Variants in EFHB observed in about 807,000 individuals in gnomAD.
EFHB encodes EF-hand domain-containing family member B.
A neutral mutation model predicts 87.2 loss-of-function variants in EFHB; 91 were observed. The ratio of observed to expected loss-of-function variants is 1.04; its 90% confidence interval spans 0.88 to 1.24. The LOEUF (loss-of-function observed/expected upper bound fraction) is 1.24, where lower values mean the gene tolerates loss of function less well. Among genes scored for constraint, EFHB ranks in the 50% most tolerant of loss-of-function variants. The pLI is 0.00. For synonymous variants in EFHB, 325 were observed against 333.6 expected (o/e 0.97, Z 0.28); for missense variants, 1,084 against 998.8 (o/e 1.09, Z -1.15).
chr3:19,923,233 C>T (rs938149917), intron 1 of EFHB, among the ~76,000 whole-genome samples: 4 of 151,526 alleles, frequency 2.6e-5, no homozygotes, highest in Non-Finnish European at 5.9e-5. Flanking sequence ...CGCCACTGCA[C>T]TCCAGCCTGG....
chr3:19,946,582 T>A (rs1449797404), intron 1 of EFHB, among the ~76,000 whole-genome samples: 1 of 152,210 alleles, frequency 6.6e-6, no homozygotes, highest in Non-Finnish European at 1.5e-5. Flanking sequence ...AGGCGGCTTT[T>A]GGGATAGGGA....
At chr3:19,901,181 G>T (rs79481186) in intron 6 of EFHB, among the ~76,000 whole-genome samples, 8,227 of 152,190 alleles carry the variant, frequency 0.054, 670 homozygotes, top group African/African-American at 0.18. Context: ...TCTACATAGG[G>T]AGCCACACTA....
At chr3:19,883,360 T>C (rs943134146) in intron 11 of EFHB, among the ~76,000 whole-genome samples, 10 of 152,312 alleles carry the variant, frequency 6.6e-5, no homozygotes, top group Admixed American at 2.6e-4. Flanking sequence ...TTTATTTCTA[T>C]TGGACAACAC....
chr3:19,942,671 C>T (rs1401285325), intron 1 of EFHB, among the ~76,000 whole-genome samples: 1 of 152,112 alleles, frequency 6.6e-6, no homozygotes, highest in African/African-American at 2.4e-5. Flanking sequence ...ACTAGACGGT[C>T]CCATCTGGAG....
At chr3:19,934,704 A>G (rs745801586), upstream of EFHB, among the ~76,000 whole-genome samples, 2 of 152,134 alleles carry the variant, frequency 1.3e-5, no homozygotes, top group African/African-American at 4.8e-5. Flanking sequence ...AATGTTGGTG[A>G]TGATGAACAA....
Position 19,933,451 on chromosome 3 carries a change from C to T in EFHB, c.568G>A (p.Val190Met), listed in dbSNP as rs760319370. 1.9e-6 allele frequency: 3 copies of T among 1,613,920 alleles called. No individual in the cohort carries two copies. The highest frequency in any genetic ancestry group is 1.7e-5 in the Admixed American group (1 of 60,004). The change falls in exon 1 of 13, where the codon GTG becomes ATG. Residue 190 changes from valine to methionine, a missense_variant. Physicochemically the swap from Val to Met is conservative, Grantham distance 21. Transcript: ENST00000295824. ...TGGGTTAGTCCAATGTCCACCTCCA[C>T]AGGAAGCTTAATCTCTGTGTTGGGT... is the stretch of plus-strand genomic sequence containing the variant. Reference protein sequence around the residue: ...MKPNTEIKLPVEVDIGLTQAE... With the variant: ...MKPNTEIKLPMEVDIGLTQAE...
upstream of EFHB, chr3:19,934,327 C>T: frequency 8.6e-7 from 1 of 1,156,262 alleles, no homozygotes; most frequent in Non-Finnish European, 1.1e-6. Context: ...ATCTCTCTCT[C>T]TCTCCCCTCT....
chr3:19,918,234 T>G lies in EFHB; in HGVS notation c.1175A>C (p.Lys392Thr). Residue 392 changes from lysine (K) to threonine (T), a missense_variant and splice_region_variant, in exon 4 of 13, where the codon AAA becomes ACA. Physicochemically the swap from Lys to Thr is moderately conservative, Grantham distance 78 (BLOSUM62 -1). Coordinates refer to ENST00000295824, the MANE Select transcript of EFHB (RefSeq NM_144715.4). ...CCCCTTATTTTTTTTTTTACTACCTTTGATGACTGCTGTCCCAAATGTCGT... is the reference window on the plus strand; with the variant it reads ...CCCCTTATTTTTTTTTTTACTACCTGTGATGACTGCTGTCCCAAATGTCGT... ...TNTTFGTAVI[K>T]EYSAKDVVNP... The G allele has an allele frequency of 6.4e-7, 1 of 1,572,898 alleles. No homozygotes were observed. The highest frequency in any genetic ancestry group is 8.6e-7 in the Non-Finnish European group (1 of 1,165,566).
intron 1 of EFHB, among the ~76,000 whole-genome samples, chr3:19,927,491 C>T (rs1695672093): frequency 6.6e-6 from 1 of 152,184 alleles, no homozygotes; most frequent in Non-Finnish European, 1.5e-5. Flanking sequence ...TCTCATAAAT[C>T]CAACAGAGCA....
intron 9 of EFHB, among the ~76,000 whole-genome samples, chr3:19,893,125 A>G (rs1206078586): frequency 6.6e-6 from 1 of 151,790 alleles, no homozygotes; most frequent in African/African-American, 2.4e-5. Context: ...TAATTTTTGT[A>G]TTTTTAGTAG....
In EFHB at chr3:19,884,462, T is replaced by C. The variant is rs778706967; in HGVS notation, c.2087A>G (p.Asn696Ser). 5.0e-6 allele frequency: 8 copies of C among 1,613,948 alleles called. No individual in the cohort carries two copies. In the South Asian group the frequency reaches 8.8e-5, roughly 18 times the overall value. ...CTCAGAAGAAGTTGTCTTATAGTAG[T>C]TGGAAACTTTATCACTTGGTCTCAG... The part of the protein sequence containing the change: ...TLLRPSDKVS[N>S]YYKTTSSEIN... The change falls in exon 11 of 13, where the codon AAC (asparagine) becomes AGC (serine). Residue 696 changes from asparagine (N) to serine (S), a missense_variant. Coordinates refer to ENST00000295824, the MANE Select transcript of EFHB (RefSeq NM_144715.4).
intron 12 of EFHB, among the ~76,000 whole-genome samples, chr3:19,880,297 T>A (rs1213547677): frequency 6.6e-6 from 1 of 151,888 alleles, no homozygotes; most frequent in Non-Finnish European, 1.5e-5. Context: ...TTGCCCAGGC[T>A]GGAGTGCAGT....
chr3:19,946,177 G>A (rs779841830), intron 1 of EFHB: 6 of 152,206 alleles, frequency 3.9e-5, no homozygotes, highest in African/African-American at 1.4e-4. Flanking sequence ...ACCCGCCGCA[G>A]ATCAGAATCC....
intron 1 of EFHB, among the ~76,000 whole-genome samples, chr3:19,922,203 A>G (rs1695460251): frequency 6.6e-6 from 1 of 152,214 alleles, no homozygotes; most frequent in South Asian, 2.1e-4. Context: ...GAATCAGAAT[A>G]TGCTGTCCAA....
intron 9 of EFHB, chr3:19,896,452 A>G: frequency 1.7e-6 from 1 of 587,360 alleles, no homozygotes; most frequent in African/African-American, 1.8e-5. Flanking sequence ...TAGGTTTTGA[A>G]GGCCATACAG....
intron 1 of EFHB, 43 bp from the exon 2 acceptor site, chr3:19,920,610 A>T: frequency 6.7e-7 from 1 of 1,487,760 alleles, no homozygotes; most frequent in Non-Finnish European, 9.2e-7. Context: ...AGGGTGGAAG[A>T]GGAGCATTTT....
chr3:19,898,913 T>G, intron 7 of EFHB, 68 bp from the exon 8 acceptor site: 1 of 1,508,716 alleles, frequency 6.6e-7, no homozygotes, highest in South Asian at 1.1e-5. Context: ...TAAAATATGT[T>G]TGCCATATGT....
chr3:19,933,865 T>C lies in EFHB; in HGVS notation c.154A>G (p.Lys52Glu), dbSNP rs1695926680. The change falls in exon 1 of 13, where the codon AAG becomes GAG. Residue 52 changes from lysine to glutamate, a missense_variant. Lys to Glu is a moderately conservative substitution (Grantham distance 56). Transcript: ENST00000295824. Reference protein sequence around the residue: ...RCGESPVVSNKCEGRMAPPET... With the variant: ...RCGESPVVSNECEGRMAPPET... ...GGTGGTGCCATCCTTCCCTCACACT[T>C]ATTACTAACCACAGGGCTCTCCCCG... The C allele has an allele frequency of 3.1e-6, 5 of 1,613,964 alleles. No homozygotes were observed. The Admixed American group carries it at 6.7e-5, about 22-fold the overall frequency.
intron 1 of EFHB, among the ~76,000 whole-genome samples, chr3:19,930,112 T>A (rs1575047408): frequency 6.6e-6 from 1 of 152,346 alleles, no homozygotes; most frequent in East Asian, 1.9e-4. Flanking sequence ...AAGCCACCAA[T>A]AAATATTAAT....
Sources: allele counts gnomAD v4.1 joint callset (sites outside exome capture counted in the v4.1 genomes callset), GRCh38; gene constraint gnomAD v4.1.1; transcripts MANE v1.5; gene names NCBI Gene and HGNC (gene_info 2026-07-23, HGNC 2026-07-21).